ADARB2: variants seen among roughly 807,000 people sequenced by gnomAD.
ADARB2 encodes the protein inactive double-stranded RNA-specific editase B2.
In ADARB2, 25 loss-of-function variants were observed where a neutral mutation model predicts 62.2. The observed-to-expected ratio is 0.40, with a 90% CI of 0.29 to 0.56. The LOEUF is 0.56. ADARB2 is among the 20% of genes least tolerant of loss of function. The pLI, the probability that ADARB2 is intolerant of heterozygous loss-of-function variation, is 0.43. For synonymous variants in ADARB2, 572 were observed against 500.8 expected (o/e 1.14, Z -1.90); for missense variants, 1,071 against 1,077.4 (o/e 0.99, Z 0.08).
At chr10:1,498,947 C>T (rs1476297547) in intron 1 of ADARB2, among the ~76,000 whole-genome samples, 2 of 152,006 alleles carry the variant, frequency 1.3e-5, no homozygotes, top group African/African-American at 4.8e-5. Context: ...TCACTCATTA[C>T]TCATTTATTA....
intron 3 of ADARB2, chr10:1,290,102 TGAAG>T (rs1176866751): frequency 6.6e-6 from 1 of 152,234 alleles, no homozygotes; most frequent in Non-Finnish European, 1.5e-5. Flanking sequence ...GGCTTTAAAA[TGAAG>T]GATCTGTATA....
At chr10:1,263,221 T>A (rs899868166) in intron 4 of ADARB2, among the ~76,000 whole-genome samples, 1 of 152,102 alleles carries the variant, frequency 6.6e-6, no homozygotes, top group Non-Finnish European at 1.5e-5. Flanking sequence ...ACATGGCACA[T>A]GTATACATAT....
chr10:1,603,685 G>T (rs549480643), intron 1 of ADARB2, among the ~76,000 whole-genome samples: 105 of 138,936 alleles, frequency 7.6e-4, no homozygotes, highest in African/African-American at 2.5e-3. Flanking sequence ...CAATTTTAGA[G>T]CTGTGATCTT....
chr10:1,230,277 G>A (rs906622922), intron 6 of ADARB2, among the ~76,000 whole-genome samples: 2 of 152,158 alleles, frequency 1.3e-5, no homozygotes, highest in South Asian at 2.1e-4. Flanking sequence ...GGGCAGTGCC[G>A]CTGGGTTTCT....
chr10:1,328,336 G>A (rs911610838), intron 3 of ADARB2, among the ~76,000 whole-genome samples: 3 of 152,180 alleles, frequency 2.0e-5, no homozygotes, highest in Non-Finnish European at 4.4e-5. Context: ...GGAAGGGATA[G>A]GACTGCAAAA....
chr10:1,657,960 C>T (rs1834192947), intron 1 of ADARB2, among the ~76,000 whole-genome samples: 1 of 147,682 alleles, frequency 6.8e-6, no homozygotes, highest in Admixed American at 6.9e-5. Context: ...TCTGTGTCTG[C>T]CTCAGTCTCT....
chr10:1,362,121 G>T (rs1343015811), intron 3 of ADARB2, among the ~76,000 whole-genome samples: 1 of 152,226 alleles, frequency 6.6e-6, no homozygotes, highest in Non-Finnish European at 1.5e-5. Flanking sequence ...CATAAGGCCG[G>T]TGCACACTGA....
At chr10:1,262,689 T>C (rs1831153647) in intron 4 of ADARB2, among the ~76,000 whole-genome samples, 1 of 152,180 alleles carries the variant, frequency 6.6e-6, no homozygotes. Context: ...GGTGGGACTG[T>C]AAACTAGTTC....
intron 3 of ADARB2, among the ~76,000 whole-genome samples, chr10:1,300,518 T>A (rs2131817025): frequency 6.6e-6 from 1 of 152,366 alleles, no homozygotes; most frequent in East Asian, 1.9e-4. Context: ...CCTATAACAC[T>A]TAAAAATATC....
intron 1 of ADARB2, among the ~76,000 whole-genome samples, chr10:1,698,943 TAG>T (rs1366165809): frequency 2.6e-5 from 4 of 152,120 alleles, no homozygotes; most frequent in Non-Finnish European, 4.4e-5. Context: ...GTATTTTTAG[TAG>T]AGATTGGGTT....
chr10:1,386,335 G>A (rs780603631), intron 1 of ADARB2, among the ~76,000 whole-genome samples: 9 of 152,014 alleles, frequency 5.9e-5, no homozygotes, highest in Non-Finnish European at 1.2e-4. Flanking sequence ...TACATTAAAT[G>A]TAAATGGACT....
intron 1 of ADARB2, among the ~76,000 whole-genome samples, chr10:1,693,504 AATT>A (rs1834699661): frequency 6.6e-6 from 1 of 152,226 alleles, no homozygotes; most frequent in African/African-American, 2.4e-5. Context: ...ATACAAAATA[AATT>A]ATTTTTCCTA....
At chr10:1,553,049 C>A (rs768941508) in intron 1 of ADARB2, among the ~76,000 whole-genome samples, 1 of 152,194 alleles carries the variant, frequency 6.6e-6, no homozygotes, top group Non-Finnish European at 1.5e-5. Flanking sequence ...CAGTGTCACC[C>A]GCAGCTCCCT....
At chr10:1,239,986 C>G (rs1830893514) in intron 5 of ADARB2, among the ~76,000 whole-genome samples, 1 of 15,314 alleles carries the variant, frequency 6.5e-5, no homozygotes, top group African/African-American at 5.4e-4. Context: ...TCACTCCCCT[C>G]TGCCTCCCGG....
intron 1 of ADARB2, among the ~76,000 whole-genome samples, chr10:1,617,730 C>T (rs1430051821): frequency 6.6e-6 from 1 of 151,196 alleles, no homozygotes; most frequent in African/African-American, 2.4e-5. Flanking sequence ...CAGAGGGTTG[C>T]ATTCTGTCGC....
chr10:1,718,628 G>A (rs932821077), intron 1 of ADARB2, among the ~76,000 whole-genome samples: 1 of 152,210 alleles, frequency 6.6e-6, no homozygotes, highest in African/African-American at 2.4e-5. Flanking sequence ...AGAGATTGCA[G>A]CTGGCAACAC....
chr10:1,724,387 A>T (rs554125232), intron 1 of ADARB2, among the ~76,000 whole-genome samples: 1 of 152,160 alleles, frequency 6.6e-6, no homozygotes, highest in African/African-American at 2.4e-5. Flanking sequence ...AGGTGAAAGC[A>T]CTCTTCTCCC....
At chr10:1,620,789 A>G (rs968109699) in intron 1 of ADARB2, among the ~76,000 whole-genome samples, 7 of 152,272 alleles carry the variant, frequency 4.6e-5, no homozygotes, top group Admixed American at 1.3e-4. Context: ...TTACGCCTAC[A>G]GTGAAAAGTT....
chr10:1,369,152 C>G (rs986257219), intron 2 of ADARB2, among the ~76,000 whole-genome samples: 1 of 152,188 alleles, frequency 6.6e-6, no homozygotes, highest in Non-Finnish European at 1.5e-5. Flanking sequence ...TTAGACTCCC[C>G]TCCCCGACCC....
Sources: gnomAD v4.1 joint callset for allele counts (sites outside exome capture counted in the v4.1 genomes callset) on GRCh38, gnomAD v4.1.1 for gene constraint, MANE v1.5 for transcripts, NCBI Gene and HGNC (gene_info 2026-07-23, HGNC 2026-07-21) for gene names.